The following PGK1 variants were observed in gnomAD, a reference collection of about 807,000 sequenced individuals.
PGK1 encodes the protein phosphoglycerate kinase 1, also known as PRP 2.
PGK1 carries 3 observed loss-of-function variants against 26.9 expected under a neutral mutation model. That is an observed-to-expected ratio of 0.11 (90% confidence interval 0.05 to 0.29). The LOEUF (loss-of-function observed/expected upper bound fraction) is 0.29, where lower values mean the gene tolerates loss of function less well. Ranked by LOEUF, PGK1 falls within the 10% of genes least tolerant of loss-of-function variation. The pLI, the probability that PGK1 is intolerant of heterozygous loss-of-function variation, is 1.00. For missense variants in PGK1, 270 were observed against 314.7 expected (o/e 0.86, Z 1.07); for synonymous variants, 125 against 115.3 (o/e 1.08, Z -0.54).
intron 2 of PGK1, among the ~76,000 whole-genome samples, chrX:78,113,404 G>C (rs2078310652): frequency 8.9e-6 from 1 of 112,116 alleles, no homozygotes; most frequent in Non-Finnish European, 1.9e-5. Flanking sequence ...AGAGTGAATA[G>C]CCCTTGTTGG....
At chrX:78,110,108 A>G (rs2078292777) in intron 2 of PGK1, among the ~76,000 whole-genome samples, 191 bp downstream of exon 2, 1 of 111,766 alleles carries the variant, frequency 8.9e-6, no homozygotes, top group African/African-American at 3.3e-5. Flanking sequence ...AATCTTAAGA[A>G]AGTGATTCCC....
chrX:78,123,446 C>T, intron 8 of PGK1, 72 bp downstream of exon 8: 1 of 838,553 alleles, frequency 1.2e-6, no homozygotes. Flanking sequence ...ATTGATTCAG[C>T]CAATCAACAA....
At chrX:78,118,851 T>A (rs183211735) in intron 6 of PGK1, among the ~76,000 whole-genome samples, 13 of 111,212 alleles carry the variant, frequency 1.2e-4, no homozygotes, top group Middle Eastern at 4.6e-3. Flanking sequence ...GCAATAAATA[T>A]TCTGATCTCC....
At position 78,125,517 on chromosome X, in the gene PGK1, G is replaced by A. The variant is rs2073178; in HGVS notation, c.1213+92G>A. 158,396 of 627,264 alleles carry A rather than the reference G, an allele frequency of 0.25. 14,422 individuals are homozygous for A. The highest frequency in any genetic ancestry group is 0.41 in the East Asian group (12,538 of 30,671). 51.7% of individuals were successfully genotyped at this position (627,264 alleles called of 1,213,427 possible). A position where few individuals can be genotyped will look rare whatever the true frequency, so the allele number is the denominator to read the frequency against. On this transcript the variant is annotated intron_variant, in intron 10 of 10. Coordinates refer to ENST00000373316, the MANE Select transcript of PGK1 (RefSeq NM_000291.4). ...ATGGAGTGGAGAAAGTTAGAAGGTA[G>A]TGTTGTCATTAGCAGTCATTACTAC...
At chrX:78,123,154 G>C (rs1265667513) in intron 7 of PGK1, 41 bp from the exon 8 acceptor site, 2 of 1,060,227 alleles carry the variant, frequency 1.9e-6, no homozygotes, top group Non-Finnish European at 2.6e-6. Flanking sequence ...CTTGTTCTTA[G>C]TATAGATGCT....
At chrX:78,120,418 ATG>A (rs781791924) in intron 6 of PGK1, among the ~76,000 whole-genome samples, 48 of 108,593 alleles carry the variant, frequency 4.4e-4, no homozygotes, top group South Asian at 2.0e-3. Context: ...ATGTGTATAT[ATG>A]TGTGTGTGTG....
At chrX:78,106,694 C>T in intron 1 of PGK1, 1 of 708,739 alleles carries the variant, frequency 1.4e-6, no homozygotes, top group South Asian at 7.2e-5. Context: ...AGCCAGAAAC[C>T]TCTGACTTGT....
chrX:78,116,335 A>G (rs1262198345), intron 4 of PGK1, among the ~76,000 whole-genome samples: 1 of 112,177 alleles, frequency 8.9e-6, no homozygotes, highest in African/African-American at 3.2e-5. Flanking sequence ...TCCAATCACT[A>G]GTGGCAGATG....
Position 78,127,364 on chromosome X carries a change from T to A in PGK1, c.*1534T>A, listed in dbSNP as rs1557248812. 8.9e-6 allele frequency: 1 copy of A among 112,703 alleles called. No individual in the cohort carries two copies. The highest frequency in any genetic ancestry group is 3.2e-5 in the African/African-American group (1 of 31,040). The allele number at this position is 112,703 out of a possible 1,213,427, so 9.3% of individuals were successfully genotyped here. A position where few individuals can be genotyped will look rare whatever the true frequency, so the allele number is the denominator to read the frequency against. On this transcript the variant is annotated 3_prime_UTR_variant, in exon 11 of 11. Coordinates refer to ENST00000373316, the MANE Select transcript of PGK1 (RefSeq NM_000291.4). Reference sequence around the variant, plus strand: ...TGGCCATTCGGATTCTTTCATCATCTTTATAATTTTACCTTCCTATTTCTT... The same window carrying A: ...TGGCCATTCGGATTCTTTCATCATCATTATAATTTTACCTTCCTATTTCTT...
chrX:78,113,930 T>C, intron 3 of PGK1, 31 bp downstream of exon 3: 1 of 1,209,351 alleles, frequency 8.3e-7, no homozygotes, highest in Non-Finnish European at 1.1e-6. Flanking sequence ...CTGGTAGACT[T>C]TGTGGCGGGG....
In PGK1 at chrX:78,126,616, T is replaced by A. The variant is rs2149137702; in HGVS notation, c.*786T>A. The stretch of plus-strand genomic sequence containing the variant: ...GTTTTTCAGGTATATACCTCCATGT[T>A]TCTAAGTAATATGCTTATATTGTTC... On this transcript the variant is annotated 3_prime_UTR_variant, in exon 11 of 11. Transcript: ENST00000373316. The A allele has an allele frequency of 9.0e-6, 1 of 111,676 alleles. No homozygotes were observed. The highest frequency in any genetic ancestry group is 2.8e-4 in the East Asian group (1 of 3,582). 9.2% of individuals were successfully genotyped at this position (111,676 alleles called of 1,213,427 possible).
At chrX:78,121,429 T>G (rs2078354766) in intron 6 of PGK1, among the ~76,000 whole-genome samples, 1 of 112,160 alleles carries the variant, frequency 8.9e-6, no homozygotes, top group African/African-American at 3.2e-5. Context: ...TGTGTGTATT[T>G]AAAACAATCT....
chrX:78,106,293 C>T, intron 1 of PGK1: 1 of 444,224 alleles, frequency 2.3e-6, no homozygotes, highest in Non-Finnish European at 2.8e-6. Flanking sequence ...GTCTCCTTGG[C>T]TATCAACTAG....
intron 5 of PGK1, 149 bp downstream of exon 5, chrX:78,117,564 A>G: frequency 2.0e-6 from 1 of 494,152 alleles, no homozygotes. Context: ...GCTCTTGTTG[A>G]GTAGCTCTCA....
intron 1 of PGK1, among the ~76,000 whole-genome samples, chrX:78,108,695 A>G (rs1698156907): frequency 8.9e-6 from 1 of 112,026 alleles, no homozygotes; most frequent in Admixed American, 9.5e-5. Flanking sequence ...ATGGAGGCTT[A>G]TAATCAAGGA....
At chrX:78,108,184 G>T (rs187756424) in intron 1 of PGK1, among the ~76,000 whole-genome samples, 1 of 111,664 alleles carries the variant, frequency 9.0e-6, no homozygotes, top group African/African-American at 3.3e-5. Flanking sequence ...TTGGATAGAT[G>T]AGACAGTTTC....
At position 78,118,061 on chromosome X, in the gene PGK1, G is replaced by A; in HGVS notation, c.532G>A (p.Gly178Arg). 8.3e-7 allele frequency: 1 copy of A among 1,206,339 alleles called. No homozygotes were observed. Among genetic ancestry groups the A allele is most frequent in the East Asian group, 3.0e-5 (1 of 33,847 alleles). The stretch of plus-strand genomic sequence containing the variant: ...TTTGATCTTTTCTAGCTCCATGGTA[G>A]GAGTCAATCTGCCACAGAAGGCTGG... Reference protein sequence around the residue: ...TAHRAHSSMVGVNLPQKAGGF... With the variant: ...TAHRAHSSMVRVNLPQKAGGF... Residue 178 changes from glycine to arginine, a missense_variant, in exon 6 of 11, where the codon GGA (glycine) becomes AGA (arginine). Physicochemically the swap from Gly to Arg is moderately radical, Grantham distance 125 (BLOSUM62 -2). Transcript: ENST00000373316.
rs2078293059 is a variant in PGK1, at chrX:78,110,179, G to A, written c.116+262G>A. Among the ~76,000 whole-genome samples the A allele has an allele frequency of 2.7e-5, 3 of 110,160 alleles. 1 individual carries two copies. Among genetic ancestry groups the A allele is most frequent in the Non-Finnish European group, 5.7e-5 (3 of 52,713 alleles). ...GTTCATTTTCTTTTTTTGAGATAGG[G>A]TCTCACTCTGTCACCCAGACTGGAG... On this transcript the variant is annotated intron_variant, in intron 2 of 10. Coordinates refer to ENST00000373316, the MANE Select transcript of PGK1 (RefSeq NM_000291.4).
chrX:78,120,358 C>CAT (rs1603398182), intron 6 of PGK1, among the ~76,000 whole-genome samples: 1 of 109,394 alleles, frequency 9.1e-6, no homozygotes, highest in Admixed American at 9.7e-5. Context: ...CATATATATA[C>CAT]ACACACACAC....
Sources: gnomAD v4.1 joint callset for allele counts (sites outside exome capture counted in the v4.1 genomes callset) on GRCh38, gnomAD v4.1.1 for gene constraint, MANE v1.5 for transcripts, NCBI Gene and HGNC (gene_info 2026-07-23, HGNC 2026-07-21) for gene names.